The following TNRC6A variants were observed in gnomAD, a reference collection of about 807,000 sequenced individuals.
TNRC6A encodes the protein trinucleotide repeat containing adaptor 6A, also known as trinucleotide repeat-containing gene 6A protein.
Under a neutral mutation model 221.2 loss-of-function variants are expected in TNRC6A, and 44 were observed. The observed-to-expected ratio is 0.20, with a 90% CI of 0.16 to 0.26. TNRC6A has a LOEUF of 0.26. Ranked by LOEUF, TNRC6A falls within the 10% of genes least tolerant of loss-of-function variation. The pLI is 1.00. For missense variants in TNRC6A, 2,199 were observed against 2,404.4 expected (o/e 0.91, Z 1.79); for synonymous variants, 847 against 838.5 (o/e 1.01, Z -0.18).
upstream of TNRC6A, among the ~76,000 whole-genome samples, chr16:24,727,280 C>T (rs984345237): frequency 6.6e-6 from 1 of 152,136 alleles, no homozygotes; most frequent in African/African-American, 2.4e-5. Flanking sequence ...CTGCCCACTT[C>T]GGCCTCCCAA....
chr16:24,666,523 C>G (rs1209937626), intron 2 of TNRC6A, among the ~76,000 whole-genome samples: 2 of 148,076 alleles, frequency 1.4e-5, no homozygotes, highest in Non-Finnish European at 3.0e-5. Context: ...GCCTGTGGTC[C>G]CAGCTACTCA....
intron 2 of TNRC6A, among the ~76,000 whole-genome samples, chr16:24,656,403 G>A (rs1304451069): frequency 6.8e-6 from 1 of 147,684 alleles, no homozygotes; most frequent in Non-Finnish European, 1.5e-5. Flanking sequence ...GGAGGCGGAG[G>A]TTGCAGTGAG....
chr16:24,783,623 A>G (rs1431243403), intron 5 of TNRC6A, among the ~76,000 whole-genome samples: 1 of 151,864 alleles, frequency 6.6e-6, no homozygotes, highest in Non-Finnish European at 1.5e-5. Flanking sequence ...GATTTCAAAT[A>G]TTTCTAAATA....
At chr16:24,769,129 A>C (rs1364889117) in intron 4 of TNRC6A, among the ~76,000 whole-genome samples, 1 of 152,222 alleles carries the variant, frequency 6.6e-6, no homozygotes. Flanking sequence ...TTTCATGTGA[A>C]TATAAGACAA....
At chr16:24,757,296 G>GT (rs34497835) in intron 3 of TNRC6A, among the ~76,000 whole-genome samples, 123,463 of 152,116 alleles carry the variant, frequency 0.81, 50,594 homozygotes, top group African/African-American at 0.94. Flanking sequence ...CAATATTAGG[G>GT]AGTTACTATA....
chr16:24,613,551 A>G (rs1475964990), intron 1 of TNRC6A, among the ~76,000 whole-genome samples: 2 of 149,142 alleles, frequency 1.3e-5, no homozygotes, highest in East Asian at 4.0e-4. Flanking sequence ...ATTTAGAGAT[A>G]GAGTCTTGCT....
intron 18 of TNRC6A, 122 bp downstream of exon 18, chr16:24,809,603 TCATTTAAAAA>T: frequency 8.1e-7 from 1 of 1,239,782 alleles, no homozygotes; most frequent in Non-Finnish European, 1.0e-6. Flanking sequence ...GAACTTTTCC[TCATTTAAAAA>T]AAGTTGTTAT....
chr16:24,751,984 A>T (rs1319711116), intron 3 of TNRC6A, among the ~76,000 whole-genome samples: 1 of 152,148 alleles, frequency 6.6e-6, no homozygotes, highest in African/African-American at 2.4e-5. Flanking sequence ...GCATTAAAGG[A>T]TGGGTTTTGC....
intron 2 of TNRC6A, among the ~76,000 whole-genome samples, chr16:24,657,635 G>A (rs188178059): frequency 4.9e-4 from 75 of 151,770 alleles, no homozygotes; most frequent in African/African-American, 1.7e-3. Flanking sequence ...TTTGAACCCA[G>A]GAGGCAGAGG....
chr16:24,819,252 G>A (rs988168581), intron 21 of TNRC6A, among the ~76,000 whole-genome samples: 1 of 152,154 alleles, frequency 6.6e-6, no homozygotes, highest in African/African-American at 2.4e-5. Flanking sequence ...TGTAAGTGAA[G>A]TAAGAAAAAG....
chr16:24,678,218 T>C (rs1002100222), intron 2 of TNRC6A, among the ~76,000 whole-genome samples: 6 of 149,472 alleles, frequency 4.0e-5, no homozygotes, highest in Non-Finnish European at 7.4e-5. Flanking sequence ...GGCTGAGGCA[T>C]GAGAATCACT....
chr16:24,637,411 A>G (rs1901692031), intron 1 of TNRC6A, among the ~76,000 whole-genome samples: 1 of 152,150 alleles, frequency 6.6e-6, no homozygotes. Context: ...TGCCATGCGG[A>G]GGTCACTGAG....
At chr16:24,787,857 C>A (rs2058007832) in intron 5 of TNRC6A, among the ~76,000 whole-genome samples, 1 of 152,158 alleles carries the variant, frequency 6.6e-6, no homozygotes, top group African/African-American at 2.4e-5. Flanking sequence ...ATAGTGACTT[C>A]TTTTTATCTC....
intron 1 of TNRC6A, among the ~76,000 whole-genome samples, chr16:24,639,283 G>A (rs921836991): frequency 6.6e-6 from 1 of 152,070 alleles, no homozygotes; most frequent in Non-Finnish European, 1.5e-5. Context: ...CCAGGAGTTC[G>A]AGGCCAGCCT....
upstream of TNRC6A, among the ~76,000 whole-genome samples, chr16:24,727,105 C>G (rs548663067): frequency 6.6e-5 from 10 of 151,156 alleles, no homozygotes; most frequent in Non-Finnish European, 1.2e-4. Context: ...TCTCAGCTCA[C>G]TGCAACCTCT....
intron 19 of TNRC6A, 42 bp downstream of exon 19, chr16:24,815,347 C>G: frequency 6.2e-7 from 1 of 1,604,126 alleles, no homozygotes; most frequent in South Asian, 1.1e-5. Flanking sequence ...GACTGTGTTT[C>G]CATTAAGGTT....
At chr16:24,643,037 C>T (rs1161711906) in intron 2 of TNRC6A, among the ~76,000 whole-genome samples, 1 of 144,586 alleles carries the variant, frequency 6.9e-6, no homozygotes, top group Non-Finnish European at 1.5e-5. Context: ...GAGTGAGACC[C>T]TGTATCTTTA....
chr16:24,712,927 G>A (rs906087962), intron 2 of TNRC6A, among the ~76,000 whole-genome samples: 47 of 150,356 alleles, frequency 3.1e-4, no homozygotes, highest in African/African-American at 1.2e-3. Flanking sequence ...GTGTGTGTGT[G>A]TGTGTGTGTG....
intron 2 of TNRC6A, among the ~76,000 whole-genome samples, chr16:24,736,507 T>A (rs146943701): frequency 6.0e-4 from 92 of 152,342 alleles, no homozygotes; most frequent in African/African-American, 2.2e-3. Context: ...GAAGTTTCTC[T>A]TACATTAGGA....
Sources: gnomAD v4.1 joint callset for allele counts (sites outside exome capture counted in the v4.1 genomes callset) on GRCh38, gnomAD v4.1.1 for gene constraint, MANE v1.5 for transcripts, NCBI Gene and HGNC (gene_info 2026-07-23, HGNC 2026-07-21) for gene names.